The following HECW2 variants were observed in gnomAD, a reference collection of about 807,000 sequenced individuals.
HECW2 encodes the protein HECT, C2 and WW domain containing E3 ubiquitin protein ligase 2.
A neutral mutation model predicts 175.2 loss-of-function variants in HECW2; 61 were observed. The observed-to-expected ratio is 0.35, with a 90% CI of 0.28 to 0.43. The LOEUF (loss-of-function observed/expected upper bound fraction) is 0.43. HECW2 is among the 20% of genes least tolerant of loss of function. The pLI is 1.00. For synonymous variants in HECW2, 671 were observed against 731.0 expected (o/e 0.92, Z 1.32); for missense variants, 1,524 against 2,000.5 (o/e 0.76, Z 4.54).
At chr2:196,445,482 G>C (rs1039494355) in intron 1 of HECW2, among the ~76,000 whole-genome samples, 17 of 152,128 alleles carry the variant, frequency 1.1e-4, no homozygotes, top group African/African-American at 3.1e-4. Flanking sequence ...GGTAAATTGT[G>C]TGTCACTAGA....
chr2:196,540,287 G>A (rs1160709125), intron 1 of HECW2, among the ~76,000 whole-genome samples: 1 of 152,040 alleles, frequency 6.6e-6, no homozygotes, highest in Admixed American at 6.6e-5. Context: ...AACTGAAAGA[G>A]CAAGTAGTTG....
chr2:196,289,635 G>C (rs1429685264), intron 14 of HECW2: 2 of 152,186 alleles, frequency 1.3e-5, no homozygotes, highest in African/African-American at 4.8e-5. Flanking sequence ...CTCCCATGCT[G>C]ATCAGTAGTG....
At chr2:196,295,747 A>G (rs1309100222) in intron 13 of HECW2, among the ~76,000 whole-genome samples, 4 of 152,148 alleles carry the variant, frequency 2.6e-5, no homozygotes, top group African/African-American at 7.2e-5. Flanking sequence ...AAGTTAAGAA[A>G]CTCATCCCAG....
At position 196,271,229 on chromosome 2, in the gene HECW2, T is replaced by A; in HGVS notation, c.3299A>T (p.Glu1100Val). The A allele has an allele frequency of 6.2e-7, 1 of 1,611,680 alleles. No homozygotes were observed. Among genetic ancestry groups the A allele is most frequent in the Non-Finnish European group, 8.5e-7 (1 of 1,177,764 alleles). ...RQPNIFEILQ[E>V]RQPDLTRNHS... ...ATTCCTGGTAAGATCAGGTTGACGC[T>A]CCTGTAGAATTTCAAAGATATTGGG... Residue 1100 changes from glutamate to valine, a missense_variant, in exon 17 of 29, where the codon GAG becomes GTG. Transcript: ENST00000644978.
intron 2 of HECW2, among the ~76,000 whole-genome samples, chr2:196,386,847 A>C (rs1055400404): frequency 2.0e-5 from 3 of 152,182 alleles, no homozygotes; most frequent in Admixed American, 2.0e-4. Flanking sequence ...CTAGAAAAAG[A>C]ATCAAGTTCT....
At chr2:196,248,272 A>G (rs575457109) in intron 19 of HECW2, among the ~76,000 whole-genome samples, 1 of 152,330 alleles carries the variant, frequency 6.6e-6, no homozygotes, top group East Asian at 1.9e-4. Flanking sequence ...AGGGAAATGT[A>G]AAGGGTCTGC....
intron 3 of HECW2, among the ~76,000 whole-genome samples, chr2:196,340,832 A>C (rs988568784): frequency 6.6e-6 from 1 of 152,182 alleles, no homozygotes; most frequent in East Asian, 1.9e-4. Context: ...TCTTTAAAAA[A>C]TGCATCACTG....
intron 1 of HECW2, among the ~76,000 whole-genome samples, chr2:196,583,870 G>C (rs1272994367): frequency 2.6e-5 from 4 of 152,092 alleles, no homozygotes; most frequent in Non-Finnish European, 1.5e-5. Flanking sequence ...AAATCTAGGT[G>C]GCAAGAAGAC....
chr2:196,423,447 C>T (rs1350615219), intron 2 of HECW2, among the ~76,000 whole-genome samples: 1 of 152,084 alleles, frequency 6.6e-6, no homozygotes, highest in East Asian at 1.9e-4. Context: ...AAGTGTGCTG[C>T]TGTGACGGTC....
Position 196,543,760 on chromosome 2 carries a change from G to A in HECW2, c.-36+49748C>T, listed in dbSNP as rs575975107. ...CCCGAGTAGCTGGCATTACAGGCAC[G>A]TGCCACCACGCCCAGCTAATTTTTT... On this transcript the variant is annotated intron_variant, in intron 1 of 28. Coordinates refer to ENST00000644978, the MANE Select transcript of HECW2 (RefSeq NM_001348768.2). Among the ~76,000 whole-genome samples the A allele has an allele frequency of 3.3e-5, 5 of 152,138 alleles. No individual in the cohort carries two copies. The South Asian group carries it at 8.3e-4, about 25-fold the overall frequency.
At chr2:196,581,020 T>C (rs1690759150) in intron 1 of HECW2, among the ~76,000 whole-genome samples, 2 of 152,172 alleles carry the variant, frequency 1.3e-5, no homozygotes, top group African/African-American at 4.8e-5. Context: ...AAAAATATTA[T>C]GCTAAGTGAA....
At chr2:196,498,653 T>G (rs1014989538) in intron 1 of HECW2, among the ~76,000 whole-genome samples, 2 of 152,196 alleles carry the variant, frequency 1.3e-5, no homozygotes, top group Non-Finnish European at 1.5e-5. Flanking sequence ...TGAAATCACC[T>G]TTGTAAAACT....
chr2:196,350,101 T>C (rs1968733), intron 2 of HECW2, among the ~76,000 whole-genome samples: 152,231 of 152,320 alleles, frequency 1, 76,071 homozygotes, highest in East Asian at 1. Flanking sequence ...TGGTGGCTCA[T>C]GCTTGTAATC....
intron 5 of HECW2, among the ~76,000 whole-genome samples, chr2:196,328,506 A>G (rs1203606906): frequency 6.6e-6 from 1 of 152,232 alleles, no homozygotes; most frequent in African/African-American, 2.4e-5. Context: ...TGGGCCAGCA[A>G]TGAACTGATG....
At chr2:196,554,340 A>G (rs1689722438) in intron 1 of HECW2, among the ~76,000 whole-genome samples, 1 of 152,146 alleles carries the variant, frequency 6.6e-6, no homozygotes, top group South Asian at 2.1e-4. Flanking sequence ...AAAAAAAAAG[A>G]TTTTTGAATT....
intron 1 of HECW2, among the ~76,000 whole-genome samples, chr2:196,510,707 A>G (rs116468039): frequency 0.016 from 2,367 of 151,596 alleles, 35 homozygotes; most frequent in Middle Eastern, 0.048. Context: ...TTTTTTACTT[A>G]GCTATCTTTT....
chr2:196,274,693 G>T (rs1689875876), intron 15 of HECW2, among the ~76,000 whole-genome samples: 3 of 152,162 alleles, frequency 2.0e-5, no homozygotes, highest in Admixed American at 2.0e-4. Flanking sequence ...AGATCTTTCT[G>T]GTTTGAGCCT....
At chr2:196,301,767 T>C (rs1305831169) in intron 13 of HECW2, among the ~76,000 whole-genome samples, 1 of 151,782 alleles carries the variant, frequency 6.6e-6, no homozygotes, top group Non-Finnish European at 1.5e-5. Context: ...AAGTTCTTTG[T>C]AGACTCTGGA....
At chr2:196,439,718 G>A (rs1289505316) in intron 1 of HECW2, among the ~76,000 whole-genome samples, 1 of 152,122 alleles carries the variant, frequency 6.6e-6, no homozygotes, top group Non-Finnish European at 1.5e-5. Context: ...CCAACAGTAG[G>A]GAGTGGGGAG....
Sources: allele counts gnomAD v4.1 joint callset (sites outside exome capture counted in the v4.1 genomes callset), GRCh38; gene constraint gnomAD v4.1.1; transcripts MANE v1.5; gene names NCBI Gene and HGNC (gene_info 2026-07-23, HGNC 2026-07-21).